NPAT: variants seen among roughly 807,000 people sequenced by gnomAD.
The protein encoded by NPAT is protein NPAT.
A neutral mutation model predicts 130.7 loss-of-function variants in NPAT; 52 were observed. The observed-to-expected ratio is 0.40, with a 90% confidence interval of 0.32 to 0.50. The LOEUF (loss-of-function observed/expected upper bound fraction) is 0.50, where lower values mean the gene tolerates loss of function less well. Ranked by LOEUF, NPAT falls within the 20% of genes least tolerant of loss-of-function variation. NPAT has a pLI of 0.68. For synonymous variants in NPAT, 580 were observed against 584.8 expected (o/e 0.99, Z 0.12); for missense variants, 1,687 against 1,662.6 (o/e 1.01, Z -0.26).
intron 10 of NPAT, among the ~76,000 whole-genome samples, chr11:108,178,238 A>G (rs181183292): frequency 6.6e-6 from 1 of 152,302 alleles, no homozygotes; most frequent in African/African-American, 2.4e-5. Flanking sequence ...GGTGGAGGTG[A>G]GCTTGTCAAC....
chr11:108,192,692 A>G (rs2134868381), intron 3 of NPAT, among the ~76,000 whole-genome samples: 1 of 152,260 alleles, frequency 6.6e-6, no homozygotes, highest in East Asian at 1.9e-4. Flanking sequence ...ATGGTGGCTC[A>G]CGCCTGTAAT....
intron 15 of NPAT, among the ~76,000 whole-genome samples, chr11:108,167,380 A>G (rs371614538): frequency 2.6e-5 from 4 of 152,170 alleles, no homozygotes; most frequent in African/African-American, 9.6e-5. Context: ...GGCTACTTTT[A>G]AAAAATTTAT....
At position 108,169,943 on chromosome 11, in the gene NPAT, A is replaced by G; in HGVS notation, c.2886T>C (p.Ser962=). 1 of 1,613,698 alleles carries G rather than the reference A, an allele frequency of 6.2e-7. No homozygotes were observed. Among genetic ancestry groups the G allele is most frequent in the Non-Finnish European group, 8.5e-7 (1 of 1,179,604 alleles). ...SVVGQNGNNF[S]TPPRQVLHMP... ...TAAATCTTACCTGCCGAGGAGGAGTAGAAAAGTTATTTCCATTCTGTCCAA... is the reference window on the plus strand; with the variant it reads ...TAAATCTTACCTGCCGAGGAGGAGTGGAAAAGTTATTTCCATTCTGTCCAA... The change falls in exon 14 of 18, where the codon TCT becomes TCC. Residue 962 remains serine, a synonymous_variant. Transcript: ENST00000278612.
intron 1 of NPAT, among the ~76,000 whole-genome samples, chr11:108,205,286 C>T (rs1021575871): frequency 6.6e-6 from 1 of 152,178 alleles, no homozygotes; most frequent in South Asian, 2.1e-4. Context: ...TTTGAGACAG[C>T]GTTTCACTCT....
chr11:108,200,977 G>A (rs1020529792), intron 1 of NPAT, among the ~76,000 whole-genome samples: 4 of 152,198 alleles, frequency 2.6e-5, no homozygotes, highest in African/African-American at 7.2e-5. Context: ...TGGTGTTACC[G>A]CAGGGATTCT....
chr11:108,171,838 C>A, intron 13 of NPAT: 1 of 187,772 alleles, frequency 5.3e-6, no homozygotes. Context: ...TGATGAATTC[C>A]CTGAAGACCA....
At chr11:108,190,959 C>A (rs1416845179) in intron 4 of NPAT, among the ~76,000 whole-genome samples, 1 of 152,066 alleles carries the variant, frequency 6.6e-6, no homozygotes, top group Non-Finnish European at 1.5e-5. Context: ...GTCCTAGGTA[C>A]TTGGGAGGCT....
At chr11:108,165,824 G>A (rs922844269) in intron 15 of NPAT, among the ~76,000 whole-genome samples, 43 of 151,682 alleles carry the variant, frequency 2.8e-4, no homozygotes, top group African/African-American at 7.7e-4. Flanking sequence ...TAGTAGAGAC[G>A]GGGTTTCACC....
intron 1 of NPAT, among the ~76,000 whole-genome samples, chr11:108,209,650 G>A (rs956027972): frequency 6.6e-6 from 1 of 152,160 alleles, no homozygotes; most frequent in African/African-American, 2.4e-5. Context: ...AGCACTTTGG[G>A]AGGCCAAGGC....
At chr11:108,159,545 T>C (rs765613401) in intron 17 of NPAT, among the ~76,000 whole-genome samples, 23 of 152,330 alleles carry the variant, frequency 1.5e-4, no homozygotes, top group Middle Eastern at 3.4e-3. Flanking sequence ...CCCAGACTTG[T>C]AGGGCAACAA....
chr11:108,202,001 C>A (rs73006226), intron 1 of NPAT, among the ~76,000 whole-genome samples: 14,374 of 152,004 alleles, frequency 0.095, 926 homozygotes, highest in Non-Finnish European at 0.13. Context: ...GCAATAGTCA[C>A]CCTAAATGAT....
intron 13 of NPAT, among the ~76,000 whole-genome samples, chr11:108,170,889 G>A (rs2134832607): frequency 6.6e-6 from 1 of 152,166 alleles, no homozygotes; most frequent in Admixed American, 6.6e-5. Context: ...GACCCATTAG[G>A]TTTAATACTA....
chr11:108,197,581 C>T (rs2078235422), intron 1 of NPAT, among the ~76,000 whole-genome samples, 161 bp from the exon 2 acceptor site: 1 of 152,180 alleles, frequency 6.6e-6, no homozygotes, highest in Non-Finnish European at 1.5e-5. Flanking sequence ...GGTTGTGCTG[C>T]AATACAAAGT....
chr11:108,204,402 C>T (rs1252500751), intron 1 of NPAT, among the ~76,000 whole-genome samples: 1 of 152,176 alleles, frequency 6.6e-6, no homozygotes, highest in Non-Finnish European at 1.5e-5. Flanking sequence ...CCTTTGGGAC[C>T]CCTATCACAC....
intron 15 of NPAT, 76 bp from the exon 16 acceptor site, chr11:108,162,256 A>T: frequency 7.5e-7 from 1 of 1,333,464 alleles, no homozygotes; most frequent in Non-Finnish European, 1.1e-6. Context: ...GACAATTATC[A>T]CATATCATGA....
chr11:108,165,323 G>A (rs1316381595), intron 15 of NPAT, among the ~76,000 whole-genome samples: 1 of 151,456 alleles, frequency 6.6e-6, no homozygotes, highest in Non-Finnish European at 1.5e-5. Context: ...TGTTGCCCAG[G>A]CTGGTCTCAA....
chr11:108,186,181 T>C (rs957916618), intron 8 of NPAT, among the ~76,000 whole-genome samples: 1 of 152,080 alleles, frequency 6.6e-6, no homozygotes, highest in Non-Finnish European at 1.5e-5. Context: ...CACACCTAGC[T>C]AATATTTGTA....
chr11:108,168,789 G>A (rs1418658902), intron 15 of NPAT, among the ~76,000 whole-genome samples: 1 of 152,122 alleles, frequency 6.6e-6, no homozygotes, highest in African/African-American at 2.4e-5. Flanking sequence ...TTGGTAAAAG[G>A]TACAGGGACA....
rs561160814 is a variant in NPAT at position 108,188,293 on chromosome 11, T to C, written c.557-114A>G. On this transcript the variant is annotated intron_variant, in intron 6 of 17. Transcript: ENST00000278612. ...TTTTATATTAAATTCAATTAACATG[T>C]ACTGAGTGCCTACCATGTGTAAAGC... The C allele has an allele frequency of 4.3e-5, 34 of 798,166 alleles. No individual in the cohort carries two copies. In the East Asian group the frequency reaches 7.1e-4, roughly 17 times the overall value. The allele number at this position is 798,166 out of a possible 1,614,324, so 49.4% of individuals were successfully genotyped here. A position where few individuals can be genotyped will look rare whatever the true frequency, so the allele number is the denominator to read the frequency against.
Sources: gnomAD v4.1 joint callset for allele counts (sites outside exome capture counted in the v4.1 genomes callset) on GRCh38, gnomAD v4.1.1 for gene constraint, MANE v1.5 for transcripts, NCBI Gene and HGNC (gene_info 2026-07-23, HGNC 2026-07-21) for gene names.